PAH: variants seen among roughly 807,000 people sequenced by gnomAD.
The protein encoded by PAH is phenylalanine-4-hydroxylase.
A neutral mutation model predicts 62.0 loss-of-function variants in PAH; 64 were observed. The ratio of observed to expected loss-of-function variants is 1.03; its 90% CI spans 0.84 to 1.27. The LOEUF is 1.27. Among genes scored for constraint, PAH ranks in the 50% most tolerant of loss-of-function variants. PAH has a pLI of 0.00. For missense variants in PAH, 579 were observed against 542.8 expected (o/e 1.07, Z -0.66); for synonymous variants, 195 against 196.2 (o/e 0.99, Z 0.05).
At position 102,868,108 on chromosome 12, in the gene PAH, A is replaced by C. The variant is rs1249715717; in HGVS notation, c.442-1445T>G. On this transcript the variant is annotated intron_variant, in intron 4 of 12. Transcript: ENST00000553106. The stretch of plus-strand genomic sequence containing the variant: ...TGTGTGTATATATATATATATACAC[A>C]TATATATACATATATGTGTATATAT... Among the ~76,000 whole-genome samples the C allele has an allele frequency of 6.0e-3, 96 of 15,924 alleles. 10 individuals carry two copies. The highest frequency in any genetic ancestry group is 0.021 in the African/African-American group (54 of 2,514). 10.4% of individuals were successfully genotyped at this position (15,924 alleles called of 152,430 possible).
At chr12:102,909,224 A>G (rs1225610067) in intron 2 of PAH, among the ~76,000 whole-genome samples, 5 of 152,058 alleles carry the variant, frequency 3.3e-5, no homozygotes, top group Non-Finnish European at 7.4e-5. Flanking sequence ...AGTAATGGTC[A>G]TGTATTTTGG....
At chr12:102,933,717 T>C (rs926642518) in intron 1 of PAH, among the ~76,000 whole-genome samples, 1 of 152,176 alleles carries the variant, frequency 6.6e-6, no homozygotes, top group Non-Finnish European at 1.5e-5. Flanking sequence ...CACGTTTTCA[T>C]ATGCCTGTTT....
chr12:102,891,217 G>A (rs1352203021), intron 3 of PAH, among the ~76,000 whole-genome samples: 3 of 152,036 alleles, frequency 2.0e-5, no homozygotes, highest in African/African-American at 7.3e-5. Flanking sequence ...TACTTACCTG[G>A]GTGTGTCTTC....
In PAH at chr12:102,868,092, A is replaced by G. The variant is rs1302256437; in HGVS notation, c.442-1429T>C. On this transcript the variant is annotated intron_variant, in intron 4 of 12. Coordinates refer to ENST00000553106, the MANE Select transcript of PAH (RefSeq NM_000277.3). ...TATATACATATATGTGTGTGTGTAT[A>G]TATATATATATACACATATATATAC... 3.3e-4 allele frequency among the ~76,000 whole-genome samples: 12 copies of G among 36,258 alleles called. 1 individual carries two copies. The highest frequency in any genetic ancestry group is 5.5e-4 in the East Asian group (2 of 3,654). The allele number at this position is 36,258 out of a possible 152,430, so 23.8% of individuals were successfully genotyped here.
intron 1 of PAH, among the ~76,000 whole-genome samples, chr12:102,942,473 T>C (rs1879328839): frequency 6.6e-6 from 1 of 152,128 alleles, no homozygotes; most frequent in Non-Finnish European, 1.5e-5. Flanking sequence ...AGAATTAACA[T>C]TGGTAAAATG....
chr12:102,927,280 G>GT (rs34781084), intron 1 of PAH, among the ~76,000 whole-genome samples: 3,691 of 129,140 alleles, frequency 0.029, 105 homozygotes, highest in African/African-American at 0.071. Context: ...CTTCAAAAAA[G>GT]TTTTTTTTTT....
At chr12:102,906,047 C>CA (rs1382382629) in intron 2 of PAH, among the ~76,000 whole-genome samples, 2 of 151,822 alleles carry the variant, frequency 1.3e-5, no homozygotes, top group South Asian at 2.1e-4. Context: ...ACATTTGCCA[C>CA]AAAAAATACA....
rs1207931763 is a variant in PAH at position 102,957,223 on chromosome 12, C to T, written c.-96+972G>A. On this transcript the variant is annotated intron_variant, in intron 1 of 4. Transcript: ENST00000551337. This position sits in a 1 kb window ranked among gnomAD's most constrained non-coding sequence, Gnocchi z 4.1. ...TCCTGTGCCATTTTTTCTGCCCAAA[C>T]CCTTCCCTGCGCTTTGCTTCAAGTT... Among the ~76,000 whole-genome samples the T allele has an allele frequency of 6.6e-6, 1 of 152,194 alleles. No individual in the cohort carries two copies.
chr12:102,882,895 A>G (rs1290280511), intron 3 of PAH, among the ~76,000 whole-genome samples: 1 of 152,042 alleles, frequency 6.6e-6, no homozygotes, highest in African/African-American at 2.4e-5. Flanking sequence ...ATCTTAGCAC[A>G]GTGGCCCATA....
intron 5 of PAH, among the ~76,000 whole-genome samples, chr12:102,859,870 C>T (rs1291441024): frequency 6.6e-6 from 1 of 152,194 alleles, no homozygotes; most frequent in Non-Finnish European, 1.5e-5. Context: ...CAATATCATA[C>T]TGAATGGGCA....
intron 3 of PAH, among the ~76,000 whole-genome samples, chr12:102,892,217 G>A (rs1283103261): frequency 6.6e-6 from 1 of 152,168 alleles, no homozygotes; most frequent in Admixed American, 6.5e-5. Context: ...GAAAGGCCAT[G>A]GAGCTACCTT....
chr12:102,935,246 C>T (rs1879058168), intron 1 of PAH, among the ~76,000 whole-genome samples: 1 of 152,060 alleles, frequency 6.6e-6, no homozygotes, highest in Non-Finnish European at 1.5e-5. Flanking sequence ...GGATAAATCT[C>T]ACGTGGTCTT....
At chr12:102,891,887 C>T (rs1768081051) in intron 3 of PAH, among the ~76,000 whole-genome samples, 1 of 152,186 alleles carries the variant, frequency 6.6e-6, no homozygotes. Flanking sequence ...CCAGCTGGCC[C>T]AGCCTCCACC....
chr12:102,925,588 G>A (rs1480391711), intron 1 of PAH, among the ~76,000 whole-genome samples: 1 of 152,106 alleles, frequency 6.6e-6, no homozygotes, highest in Non-Finnish European at 1.5e-5. Context: ...AGAGAAAAAT[G>A]CAACGTCTCA....
chr12:102,899,337 C>T (rs1877642457), intron 2 of PAH, among the ~76,000 whole-genome samples: 1 of 152,130 alleles, frequency 6.6e-6, no homozygotes, highest in South Asian at 2.1e-4. Context: ...GGATACAGTG[C>T]TCATCACTCA....
At chr12:102,878,461 G>A (rs1876670729) in intron 3 of PAH, among the ~76,000 whole-genome samples, 2 of 152,050 alleles carry the variant, frequency 1.3e-5, no homozygotes, top group South Asian at 4.2e-4. Context: ...CAGGGAGAAG[G>A]GCAGGTGGCA....
In PAH at chr12:102,866,668, G is replaced by C. The variant is rs62514909; in HGVS notation, c.442-5C>G. 1.4e-5 allele frequency: 22 copies of C among 1,612,698 alleles called. No individual in the cohort carries two copies. The highest frequency in any genetic ancestry group is 1.6e-4 in the Middle Eastern group (1 of 6,076). ...GTACACAGGATCTTTAAAACCCTAG[G>C]AGAAAAGAGACACCTGATTTTTCAA... On this transcript the variant is annotated splice_polypyrimidine_tract_variant and splice_region_variant and intron_variant, in intron 4 of 12. Transcript: ENST00000553106.
Position 102,838,315 on chromosome 12 carries a change from G to C in PAH, c.*860C>G, listed in dbSNP as rs2136629944. ...TTCATTCCAGGAAATAACTGAAACA[G>C]TGAAATTGTTTAAACTACTAATGTT... On this transcript the variant is annotated 3_prime_UTR_variant, in exon 13 of 13. Coordinates refer to ENST00000553106, the MANE Select transcript of PAH (RefSeq NM_000277.3). The C allele has an allele frequency of 6.6e-6, 1 of 152,310 alleles. No homozygotes were observed. The highest frequency in any genetic ancestry group is 2.1e-4 in the South Asian group (1 of 4,824). 9.4% of individuals were successfully genotyped at this position (152,310 alleles called of 1,614,324 possible).
At chr12:102,946,481 T>G (rs1002578237) in intron 1 of PAH, 21 of 152,318 alleles carry the variant, frequency 1.4e-4, no homozygotes, top group African/African-American at 4.8e-4. Context: ...CTGGTCTAAA[T>G]GCTCCCTCTG....
Sources: allele counts gnomAD v4.1 joint callset (sites outside exome capture counted in the v4.1 genomes callset), GRCh38; gene constraint gnomAD v4.1.1; non-coding constraint Gnocchi (gnomAD v3.1); transcripts MANE v1.5; gene names NCBI Gene and HGNC (gene_info 2026-07-23, HGNC 2026-07-21).